CDC42BPB: variants seen among roughly 807,000 people sequenced by gnomAD.
The protein encoded by CDC42BPB is CDC42 binding protein kinase beta, also known as serine/threonine-protein kinase MRCK beta.
Under a neutral mutation model 214.9 loss-of-function variants are expected in CDC42BPB, and 37 were observed. The ratio of observed to expected loss-of-function variants is 0.17; its 90% CI spans 0.13 to 0.23. CDC42BPB has a LOEUF of 0.23. CDC42BPB is among the 10% of genes least tolerant of loss of function. The probability of loss-of-function intolerance (pLI) is 1.00; values close to 1 mark genes in which losing one functional copy is unlikely to be tolerated. For synonymous variants in CDC42BPB, 931 were observed against 884.0 expected (o/e 1.05, Z -0.94); for missense variants, 1,694 against 2,227.0 (o/e 0.76, Z 4.82).
chr14:103,022,174 G>C (rs1285594875), intron 1 of CDC42BPB, among the ~76,000 whole-genome samples: 1 of 152,164 alleles, frequency 6.6e-6, no homozygotes, highest in Non-Finnish European at 1.5e-5. Flanking sequence ...AGGGTGCAGA[G>C]AAAGCCAGGA....
At chr14:102,957,584 C>T (rs1399395572) in intron 21 of CDC42BPB, among the ~76,000 whole-genome samples, 1 of 152,226 alleles carries the variant, frequency 6.6e-6, no homozygotes, top group Non-Finnish European at 1.5e-5. Context: ...AGATTTGCTT[C>T]TTCAAAACTG....
chr14:103,044,258 C>T (rs1188834792), intron 1 of CDC42BPB, among the ~76,000 whole-genome samples: 2 of 151,944 alleles, frequency 1.3e-5, no homozygotes, highest in African/African-American at 4.8e-5. Flanking sequence ...GACAGAGTCT[C>T]ACTCTGTCGC....
At chr14:102,967,806 C>G (rs1002905603) in intron 16 of CDC42BPB, among the ~76,000 whole-genome samples, 1 of 152,180 alleles carries the variant, frequency 6.6e-6, no homozygotes, top group East Asian at 1.9e-4. Flanking sequence ...TAAAAAGACA[C>G]CAAACTTCGG....
intron 1 of CDC42BPB, among the ~76,000 whole-genome samples, chr14:103,024,270 A>G (rs1405375840): frequency 6.6e-6 from 1 of 152,188 alleles, no homozygotes; most frequent in East Asian, 1.9e-4. Context: ...TCTGGCCTCT[A>G]GAGTTCTGTA....
At chr14:103,045,980 A>G (rs1017801566) in intron 1 of CDC42BPB, among the ~76,000 whole-genome samples, 55 of 152,200 alleles carry the variant, frequency 3.6e-4, no homozygotes, top group African/African-American at 1.3e-3. Context: ...AGAGTGGGAA[A>G]AAGCAAATGG....
chr14:103,029,520 G>A (rs1380020474), intron 1 of CDC42BPB, among the ~76,000 whole-genome samples: 2 of 144,758 alleles, frequency 1.4e-5, no homozygotes, highest in Non-Finnish European at 3.0e-5. Context: ...TTCAGCCTGG[G>A]CAACAGAGCA....
Position 102,975,729 on chromosome 14 carries a change from T to G in CDC42BPB, c.1462A>C (p.Lys488Gln), listed in dbSNP as rs1201621767. The stretch of plus-strand genomic sequence containing the variant: ...CGTTCGATTTCTTCATTTAGCTTTT[T>G]GATTTCTTTATCTCGGTTTGAATTG... ...LSNSNRDKEIKKLNEEIERLK... is the reference protein window; with the variant it reads ...LSNSNRDKEIQKLNEEIERLK... The change falls in exon 11 of 37, where the codon AAA becomes CAA. Residue 488 changes from lysine to glutamine, a missense_variant. Physicochemically the swap from Lys to Gln is moderately conservative, Grantham distance 53 (BLOSUM62 1). Transcript: ENST00000361246. 2 of 1,614,216 alleles carry G rather than the reference T, an allele frequency of 1.2e-6. No homozygotes were observed. Among genetic ancestry groups the G allele is most frequent in the Non-Finnish European group, 1.7e-6 (2 of 1,179,992 alleles).
intron 21 of CDC42BPB, among the ~76,000 whole-genome samples, chr14:102,957,517 A>G (rs1208767956): frequency 1.3e-5 from 2 of 152,232 alleles, no homozygotes; most frequent in Non-Finnish European, 2.9e-5. Context: ...CGAGAGAGGC[A>G]ATGACTTGTG....
chr14:102,996,870 A>C (rs1429331978), intron 5 of CDC42BPB, among the ~76,000 whole-genome samples: 1 of 152,054 alleles, frequency 6.6e-6, no homozygotes, highest in Non-Finnish European at 1.5e-5. Flanking sequence ...CTATGTTAAG[A>C]AATGTATTTT....
At chr14:103,021,379 T>C (rs1248051337) in intron 1 of CDC42BPB, among the ~76,000 whole-genome samples, 1 of 150,326 alleles carries the variant, frequency 6.7e-6, no homozygotes, top group Non-Finnish European at 1.5e-5. Context: ...GGCAGGAGAA[T>C]GGCGTGAACC....
chr14:103,054,914 A>C (rs1888859648), intron 1 of CDC42BPB, among the ~76,000 whole-genome samples: 1 of 152,252 alleles, frequency 6.6e-6, no homozygotes, highest in South Asian at 2.1e-4. Flanking sequence ...CCCACCAGTA[A>C]TGCCTGGTGG....
Position 102,954,301 on chromosome 14 carries a change from T to C in CDC42BPB, c.2989-26A>G, listed in dbSNP as rs779515195. The C allele has an allele frequency of 2.3e-5, 35 of 1,496,960 alleles. No individual in the cohort carries two copies. In the Middle Eastern group the frequency reaches 1.6e-3, roughly 69 times the overall value. The allele number at this position is 1,496,960 out of a possible 1,614,324, so 92.7% of individuals were successfully genotyped here. On this transcript the variant is annotated intron_variant, in intron 22 of 36. Transcript: ENST00000361246. ...CTGGGAGACAAGCAGGACAGGTGAG[T>C]GTCGGCCCAGCTCAGCATGGCTGAG...
At position 103,057,481 on chromosome 14, in the gene CDC42BPB, CCG is replaced by C; in HGVS notation, c.-310_-309del. ...CCCGCCCGCGGCCGCGCCCTCCCCG[CCG>C]CCGCCGCCGCAGACTAGGAGCGGCG... On this transcript the variant is annotated 5_prime_UTR_variant, in exon 1 of 37. Transcript: ENST00000361246. The C allele has an allele frequency of 5.0e-6, 1 of 198,314 alleles. No homozygotes were observed. The highest frequency in any genetic ancestry group is 1.5e-4 in the South Asian group (1 of 6,588). 12.3% of individuals were successfully genotyped at this position (198,314 alleles called of 1,614,324 possible). A position where few individuals can be genotyped will look rare whatever the true frequency, so the allele number is the denominator to read the frequency against.
chr14:102,963,715 C>T (rs936962628), intron 19 of CDC42BPB, among the ~76,000 whole-genome samples: 1 of 152,228 alleles, frequency 6.6e-6, no homozygotes, highest in African/African-American at 2.4e-5. Flanking sequence ...GTGGGAGTAA[C>T]AAGACTGCCT....
intron 13 of CDC42BPB, 101 bp from the exon 14 acceptor site, chr14:102,970,362 A>G: frequency 6.7e-7 from 1 of 1,485,756 alleles, no homozygotes; most frequent in Non-Finnish European, 9.0e-7. Context: ...ACCTCGAAGG[A>G]GCTCTGCGCG....
At chr14:102,991,646 G>T (rs1049403719) in intron 5 of CDC42BPB, among the ~76,000 whole-genome samples, 8 of 152,196 alleles carry the variant, frequency 5.3e-5, no homozygotes, top group African/African-American at 1.9e-4. Flanking sequence ...ATCTGTACGT[G>T]TGTGTACACA....
chr14:102,947,453 C>T (rs931548536), intron 27 of CDC42BPB, among the ~76,000 whole-genome samples: 1 of 152,122 alleles, frequency 6.6e-6, no homozygotes, highest in East Asian at 1.9e-4. Context: ...GGGACGTGGA[C>T]TGAGTGGAAG....
intron 1 of CDC42BPB, among the ~76,000 whole-genome samples, chr14:103,055,418 T>C (rs1888889799): frequency 6.6e-6 from 1 of 152,104 alleles, no homozygotes; most frequent in Non-Finnish European, 1.5e-5. Flanking sequence ...GTGAGACTCG[T>C]CTCCAAAGAA....
intron 12 of CDC42BPB, among the ~76,000 whole-genome samples, chr14:102,973,215 G>C (rs919561389): frequency 7.9e-5 from 12 of 152,190 alleles, no homozygotes; most frequent in African/African-American, 2.9e-4. Flanking sequence ...GCAATGAGAT[G>C]CCATGTGCCC....
Sources: gnomAD v4.1 joint callset for allele counts (sites outside exome capture counted in the v4.1 genomes callset) on GRCh38, gnomAD v4.1.1 for gene constraint, MANE v1.5 for transcripts, NCBI Gene and HGNC (gene_info 2026-07-23, HGNC 2026-07-21) for gene names.